Variants in DRC10 observed in about 807,000 individuals in gnomAD.
The protein encoded by DRC10 is IQ domain-containing protein D.
the DRC10 span, among the ~76,000 whole-genome samples, chr12:113,219,346 T>C: frequency 6.6e-6 from 1 of 152,240 alleles, no homozygotes; most frequent in African/African-American, 2.4e-5. Context: ...TATGTTTAAC[T>C]TTTTAAGAAA....
At chr12:113,199,232 C>T in the DRC10 span, among the ~76,000 whole-genome samples, 1 of 152,062 alleles carries the variant, frequency 6.6e-6, no homozygotes, top group African/African-American at 2.4e-5. Context: ...CCACTGCTCC[C>T]AGCCAATAAT....
the DRC10 span, chr12:113,199,913 G>T: frequency 5.7e-6 from 1 of 174,140 alleles, no homozygotes; most frequent in Non-Finnish European, 1.2e-5. Flanking sequence ...GTACAGACAG[G>T]GTCTTGCTGT....
chr12:113,196,196 G>A, the DRC10 span, among the ~76,000 whole-genome samples: 2 of 152,100 alleles, frequency 1.3e-5, no homozygotes, highest in South Asian at 2.1e-4. Context: ...TCGGGCCTTC[G>A]TTTTTCCTCA....
chr12:113,212,458 G>A, the DRC10 span, among the ~76,000 whole-genome samples: 5 of 152,194 alleles, frequency 3.3e-5, no homozygotes, highest in Non-Finnish European at 7.3e-5. Flanking sequence ...TTTGCCCATG[G>A]CTACAGGATG....
chr12:113,195,655 T>C, the DRC10 span: 1 of 1,613,424 alleles, frequency 6.2e-7, no homozygotes. Flanking sequence ...CCCCGCTTCT[T>C]CTTGGATCTG....
the DRC10 span, chr12:113,197,493 A>C: frequency 7.8e-7 from 1 of 1,280,140 alleles, no homozygotes; most frequent in African/African-American, 1.5e-5. Context: ...CCATTCCTAG[A>C]AGGTCTTGGG....
At chr12:113,206,608 T>A in the DRC10 span, among the ~76,000 whole-genome samples, 2 of 151,392 alleles carry the variant, frequency 1.3e-5, no homozygotes, top group African/African-American at 4.9e-5. Flanking sequence ...CTGCAGAGAG[T>A]AAACTAGCCT....
At chr12:113,203,215 G>C in the DRC10 span, 1 of 329,510 alleles carries the variant, frequency 3.0e-6, no homozygotes, top group Admixed American at 3.8e-5. Flanking sequence ...CGTAGAGACA[G>C]GGTTTTGCCG....
the DRC10 span, chr12:113,200,562 CG>C: frequency 6.6e-7 from 1 of 1,507,348 alleles, no homozygotes; most frequent in Non-Finnish European, 8.9e-7. Context: ...GGCCCATCCT[CG>C]CTGCTTCCCG....
the DRC10 span, among the ~76,000 whole-genome samples, chr12:113,211,892 C>A: frequency 1.3e-5 from 2 of 151,610 alleles, no homozygotes; most frequent in South Asian, 4.2e-4. Context: ...AAAATGAGAC[C>A]TCTACAAAAA....
chr12:113,208,443 G>T, the DRC10 span: 1 of 985,424 alleles, frequency 1.0e-6, no homozygotes, highest in Non-Finnish European at 1.3e-6. Flanking sequence ...AGGGCAGGAA[G>T]ACCAAGTGTG....
At chr12:113,200,259 G>A in the DRC10 span, 1 of 499,712 alleles carries the variant, frequency 2.0e-6, no homozygotes, top group African/African-American at 1.9e-5. Flanking sequence ...GACGATGTGG[G>A]TATTATCCCT....
At chr12:113,195,675 C>T in the DRC10 span, 24 of 1,613,404 alleles carry the variant, frequency 1.5e-5, no homozygotes, top group African/African-American at 1.1e-4. Context: ...GAGCAGGGAG[C>T]GCACCAGATA....
chr12:113,209,007 C>T, the DRC10 span, among the ~76,000 whole-genome samples: 9 of 152,248 alleles, frequency 5.9e-5, no homozygotes, highest in African/African-American at 1.9e-4. Flanking sequence ...TCTCGGCTCA[C>T]TGCAACCTCT....
At chr12:113,201,247 C>T in the DRC10 span, among the ~76,000 whole-genome samples, 1 of 152,198 alleles carries the variant, frequency 6.6e-6, no homozygotes, top group Non-Finnish European at 1.5e-5. Context: ...TCTCTAATCA[C>T]ACCCCCAACC....
At chr12:113,208,104 C>A in the DRC10 span, 1 of 1,614,190 alleles carries the variant, frequency 6.2e-7, no homozygotes. Flanking sequence ...CTGTCTTTGG[C>A]CCTATTCTGT....
chr12:113,202,258 C>A, the DRC10 span, among the ~76,000 whole-genome samples: 1 of 151,778 alleles, frequency 6.6e-6, no homozygotes, highest in Admixed American at 6.6e-5. Flanking sequence ...AGGAGCCAGA[C>A]CCCTCAAGAC....
chr12:113,200,175 C>A, the DRC10 span: 1 of 347,150 alleles, frequency 2.9e-6, no homozygotes, highest in Non-Finnish European at 5.6e-6. Flanking sequence ...AAATCGGCAG[C>A]TGGGCAGGAG....
chr12:113,212,204 G>T, the DRC10 span, among the ~76,000 whole-genome samples: 34 of 152,124 alleles, frequency 2.2e-4, no homozygotes, highest in South Asian at 7.1e-3. Context: ...CAAGTAGCTG[G>T]GATTACAGGC....
Sources: allele counts gnomAD v4.1 joint callset (sites outside exome capture counted in the v4.1 genomes callset), GRCh38; gene constraint gnomAD v4.1.1; transcripts MANE v1.5; gene names NCBI Gene and HGNC (gene_info 2026-07-23, HGNC 2026-07-21).